CNTNAP4: variants seen among roughly 807,000 people sequenced by gnomAD.
CNTNAP4 encodes the protein contactin associated protein family member 4.
Under a neutral mutation model 148.4 loss-of-function variants are expected in CNTNAP4, and 98 were observed. The ratio of observed to expected loss-of-function variants is 0.66; its 90% CI spans 0.56 to 0.78. The LOEUF (loss-of-function observed/expected upper bound fraction) is 0.78. Among genes scored for constraint, CNTNAP4 ranks in the 30% least tolerant of loss-of-function variants. The pLI is 0.00. For synonymous variants in CNTNAP4, 730 were observed against 565.1 expected (o/e 1.29, Z -4.14); for missense variants, 1,935 against 1,565.6 (o/e 1.24, Z -3.98).
chr16:76,420,303 A>T (rs1376826456), intron 3 of CNTNAP4, among the ~76,000 whole-genome samples: 1 of 151,598 alleles, frequency 6.6e-6, no homozygotes, highest in Non-Finnish European at 1.5e-5. Context: ...CTTTAAGAAC[A>T]GTTTTTGCTG....
At chr16:76,401,796 T>A (rs572825653) in intron 3 of CNTNAP4, among the ~76,000 whole-genome samples, 1 of 152,352 alleles carries the variant, frequency 6.6e-6, no homozygotes, top group Admixed American at 6.5e-5. Flanking sequence ...TCTATTGAGA[T>A]AATCATGTGA....
intron 1 of CNTNAP4, among the ~76,000 whole-genome samples, chr16:76,301,632 G>A (rs7200275): frequency 1.3e-5 from 2 of 152,102 alleles, no homozygotes; most frequent in African/African-American, 2.4e-5. Context: ...TTTTACTGGC[G>A]TGGTCCAGGT....
At chr16:76,412,588 C>A (rs4410113) in intron 3 of CNTNAP4, among the ~76,000 whole-genome samples, 52,891 of 151,102 alleles carry the variant, frequency 0.35, 10,905 homozygotes, top group Non-Finnish European at 0.44. Context: ...GTGCATAACT[C>A]TCACACTTTG....
chr16:76,311,117 TACAC>T (rs1272723507), intron 1 of CNTNAP4, among the ~76,000 whole-genome samples: 3 of 152,154 alleles, frequency 2.0e-5, no homozygotes, highest in Non-Finnish European at 2.9e-5. Flanking sequence ...CAGGTAATAT[TACAC>T]ACAGATTAAG....
chr16:76,522,022 A>G lies in CNTNAP4; in HGVS notation c.2537-17A>G, dbSNP rs1234598023. On this transcript the variant is annotated splice_polypyrimidine_tract_variant and intron_variant, in intron 16 of 23. Coordinates refer to ENST00000611870, the MANE Select transcript of CNTNAP4 (RefSeq NM_033401.5). ...ATAGGAACTCACTAGAACAATCTTT[A>G]TGTGTAATATTTCCAGCTCCGACAG... 1 of 1,611,702 alleles carries G rather than the reference A, an allele frequency of 6.2e-7. No individual in the cohort carries two copies. The highest frequency in any genetic ancestry group is 2.2e-5 in the East Asian group (1 of 44,872).
chr16:76,520,427 A>T (rs1260590614), intron 15 of CNTNAP4, among the ~76,000 whole-genome samples: 1 of 152,198 alleles, frequency 6.6e-6, no homozygotes, highest in South Asian at 2.1e-4. Flanking sequence ...CTCTTAATTT[A>T]TATCCCAACC....
intron 3 of CNTNAP4, among the ~76,000 whole-genome samples, chr16:76,368,341 T>C (rs1484533922): frequency 6.6e-6 from 1 of 152,186 alleles, no homozygotes; most frequent in Non-Finnish European, 1.5e-5. Flanking sequence ...CTGAAAAGGA[T>C]TATAAGTTAT....
intron 1 of CNTNAP4, among the ~76,000 whole-genome samples, chr16:76,298,515 T>TGC (rs1959568729): frequency 6.7e-6 from 1 of 149,758 alleles, no homozygotes; most frequent in Admixed American, 6.8e-5. Flanking sequence ...TGTGTGTGTG[T>TGC]GTGTGTGTGT....
intron 17 of CNTNAP4, among the ~76,000 whole-genome samples, chr16:76,524,224 A>G (rs1487853569): frequency 6.6e-6 from 1 of 152,186 alleles, no homozygotes; most frequent in Non-Finnish European, 1.5e-5. Context: ...TGATCTTGTG[A>G]CCACTTGATT....
intron 3 of CNTNAP4, among the ~76,000 whole-genome samples, chr16:76,408,161 C>T (rs1426749332): frequency 1.3e-5 from 2 of 151,832 alleles, no homozygotes; most frequent in East Asian, 3.9e-4. Context: ...TTTATATGCA[C>T]TAGGAAACAA....
intron 1 of CNTNAP4, among the ~76,000 whole-genome samples, chr16:76,281,031 T>C (rs1259588764): frequency 2.0e-5 from 3 of 152,128 alleles, no homozygotes; most frequent in Non-Finnish European, 2.9e-5. Context: ...GAAGTTAACA[T>C]CTCACTGTGT....
chr16:76,355,491 C>G lies in CNTNAP4; in HGVS notation c.370C>G (p.Arg124Gly). Residue 124 changes from arginine to glycine, a missense_variant, in exon 3 of 24, where the codon CGC becomes GGC. Arg to Gly is a moderately radical substitution (Grantham distance 125). Coordinates refer to ENST00000611870, the MANE Select transcript of CNTNAP4 (RefSeq NM_033401.5). ...SDSGWNWKQY[R>G]QEDSIWGFSG... ...TAGTGGCTGGAACTGGAAACAATAT[C>G]GCCAAGAGGACAGCATCTGGGTATG... 6.2e-7 allele frequency: 1 copy of G among 1,608,696 alleles called. No homozygotes were observed. Among genetic ancestry groups the G allele is most frequent in the African/African-American group, 1.3e-5 (1 of 74,706 alleles).
chr16:76,368,693 G>A lies in CNTNAP4; in HGVS notation c.390+13182G>A, dbSNP rs199939799. 1.7e-4 allele frequency among the ~76,000 whole-genome samples: 26 copies of A among 152,112 alleles called. No homozygotes were observed. In the East Asian group the frequency reaches 5.0e-3, roughly 29 times the overall value. On this transcript the variant is annotated intron_variant, in intron 3 of 23. Coordinates refer to ENST00000611870, the MANE Select transcript of CNTNAP4 (RefSeq NM_033401.5). ...GTTGTGGGGTAAGGGGCAAGGGGAGGGATAGCATTAGGAGAAATACCTAAT... is the reference window on the plus strand; with the variant it reads ...GTTGTGGGGTAAGGGGCAAGGGGAGAGATAGCATTAGGAGAAATACCTAAT...
At chr16:76,340,376 C>T (rs1407224929) in intron 2 of CNTNAP4, among the ~76,000 whole-genome samples, 1 of 152,148 alleles carries the variant, frequency 6.6e-6, no homozygotes, top group African/African-American at 2.4e-5. Flanking sequence ...TCCAGGTTAT[C>T]CTAAATCTTT....
intron 3 of CNTNAP4, among the ~76,000 whole-genome samples, chr16:76,374,197 G>A (rs1000152786): frequency 4.6e-5 from 7 of 152,122 alleles, no homozygotes; most frequent in African/African-American, 1.7e-4. Context: ...AATTGCTGGA[G>A]CAGTGAAAAG....
intron 1 of CNTNAP4, among the ~76,000 whole-genome samples, chr16:76,311,758 A>G (rs1255392167): frequency 6.6e-6 from 1 of 152,132 alleles, no homozygotes; most frequent in East Asian, 1.9e-4. Flanking sequence ...GACGTCCATG[A>G]AATGTTTGGT....
intron 2 of CNTNAP4, among the ~76,000 whole-genome samples, chr16:76,336,114 C>G (rs886696431): frequency 4.6e-5 from 7 of 152,020 alleles, no homozygotes; most frequent in African/African-American, 1.7e-4. Context: ...AATCTGTGAA[C>G]TGGACTGACT....
chr16:76,332,446 T>C (rs908387418), intron 2 of CNTNAP4, among the ~76,000 whole-genome samples: 1 of 152,092 alleles, frequency 6.6e-6, no homozygotes, highest in Non-Finnish European at 1.5e-5. Flanking sequence ...TCTTTTTTTG[T>C]AGAGATGGGA....
At chr16:76,323,447 T>C (rs572427384) in intron 2 of CNTNAP4, among the ~76,000 whole-genome samples, 18 of 152,334 alleles carry the variant, frequency 1.2e-4, no homozygotes, top group Admixed American at 3.9e-4. Context: ...AAATTATATT[T>C]TGTATACCAG....
Sources: allele counts gnomAD v4.1 joint callset (sites outside exome capture counted in the v4.1 genomes callset), GRCh38; gene constraint gnomAD v4.1.1; transcripts MANE v1.5; gene names NCBI Gene and HGNC (gene_info 2026-07-23, HGNC 2026-07-21).